The following ARHGAP32 variants were observed in gnomAD, a reference collection of about 807,000 sequenced individuals.
The protein encoded by ARHGAP32 is Rho GTPase activating protein 32.
ARHGAP32 carries 51 observed loss-of-function variants against 186.5 expected under a neutral mutation model. The observed-to-expected ratio is 0.27, with a 90% CI of 0.22 to 0.35. ARHGAP32 has a LOEUF of 0.35. Among genes scored for constraint, ARHGAP32 ranks in the 10% least tolerant of loss-of-function variants. The probability of loss-of-function intolerance (pLI) is 1.00; values close to 1 mark genes in which losing one functional copy is unlikely to be tolerated. For synonymous variants in ARHGAP32, 950 were observed against 964.3 expected, an observed-to-expected ratio of 0.99 and a Z score of 0.27; for missense variants, 2,186 against 2,623.5, an observed-to-expected ratio of 0.83 and a Z score of 3.64.
upstream of ARHGAP32, among the ~76,000 whole-genome samples, chr11:129,279,603 C>T (rs1945586990): frequency 6.8e-6 from 1 of 146,066 alleles, no homozygotes; most frequent in African/African-American, 2.5e-5. Flanking sequence ...CCTCCTCCTG[C>T]ACCCGCGACG....
At chr11:129,261,714 G>A (rs1208865575) in intron 1 of ARHGAP32, among the ~76,000 whole-genome samples, 1 of 152,184 alleles carries the variant, frequency 6.6e-6, no homozygotes, top group South Asian at 2.1e-4. Context: ...GATGAAAACT[G>A]CTTCTTATTG....
rs1187132705 is a variant in ARHGAP32 at position 128,985,868 on chromosome 11, A to G, written c.1526+135T>C. 27 of 209,056 alleles carry G rather than the reference A, an allele frequency of 1.3e-4. 1 individual carries two copies. The highest frequency in any genetic ancestry group is 1.9e-4 in the Non-Finnish European group (21 of 110,488). 13.0% of individuals were successfully genotyped at this position (209,056 alleles called of 1,614,324 possible). On this transcript the variant is annotated intron_variant, in intron 15 of 22. Transcript: ENST00000682385. ...TGTGTGTGTGTGTGTGTATATATAT[A>G]TATATATATATATATATGAAATGGA...
chr11:129,221,517 GTGTGTGTGTGTGTGTGTT>G (rs985593305), intron 1 of ARHGAP32, among the ~76,000 whole-genome samples: 15 of 145,222 alleles, frequency 1.0e-4, no homozygotes, highest in South Asian at 4.5e-4. Flanking sequence ...GTGTGTGTGT[GTGTGTGTGTGTGTGTGTT>G]TATGGTAAAA....
At chr11:129,213,235 C>T (rs1199751561) in intron 1 of ARHGAP32, among the ~76,000 whole-genome samples, 1 of 152,124 alleles carries the variant, frequency 6.6e-6, no homozygotes, top group African/African-American at 2.4e-5. Context: ...CACTAACAGG[C>T]TGCAATGTTC....
intron 1 of ARHGAP32, among the ~76,000 whole-genome samples, chr11:129,176,991 T>A (rs1943930231): frequency 6.7e-6 from 1 of 150,068 alleles, no homozygotes; most frequent in East Asian, 2.0e-4. Context: ...AATTAATGAA[T>A]CCAGGAGCTG....
chr11:129,214,315 T>C, intron 1 of ARHGAP32, among the ~76,000 whole-genome samples: 1 of 152,178 alleles, frequency 6.6e-6, no homozygotes, highest in East Asian at 1.9e-4. Context: ...ACCACACTAA[T>C]GTAAGATGTT....
exon 1 of ARHGAP32, chr11:129,279,277 G>A (rs1354706652): frequency 7.2e-6 from 1 of 139,846 alleles, no homozygotes; most frequent in Non-Finnish European, 1.6e-5. Flanking sequence ...CCGCGCCGCC[G>A]AGCCTAGCGC....
At chr11:129,155,387 T>A (rs1021400043) in intron 2 of ARHGAP32, among the ~76,000 whole-genome samples, 1 of 152,214 alleles carries the variant, frequency 6.6e-6, no homozygotes, top group African/African-American at 2.4e-5. Context: ...TATTTTGTTA[T>A]CAAATTAGAT....
chr11:128,972,333 AG>A, intron 22 of ARHGAP32, 119 bp downstream of exon 22: 1 of 1,201,556 alleles, frequency 8.3e-7, no homozygotes, highest in Non-Finnish European at 1.1e-6. Context: ...CATGGAAACC[AG>A]CCACAGGGCT....
intron 1 of ARHGAP32, among the ~76,000 whole-genome samples, chr11:129,274,711 T>C (rs1437308344): frequency 6.6e-6 from 1 of 152,110 alleles, no homozygotes; most frequent in Admixed American, 6.5e-5. Flanking sequence ...CAAAAAGCAG[T>C]GTAATATAAA....
chr11:129,031,327 A>C (rs1392273889), intron 11 of ARHGAP32, among the ~76,000 whole-genome samples: 1 of 152,216 alleles, frequency 6.6e-6, no homozygotes, highest in Non-Finnish European at 1.5e-5. Flanking sequence ...ATAATCTTTG[A>C]AATAATAATC....
chr11:129,266,733 A>C lies in ARHGAP32; in HGVS notation c.-5+12413T>G, dbSNP rs185420164. On this transcript the variant is annotated intron_variant, in intron 1 of 6. Transcript: ENST00000525234. ...ACCCATCCTGGGCCTCAAGCTTTAG[A>C]GGGCCTTGCACTGGCCTTCCTCTAA... Among the ~76,000 whole-genome samples, 1,233 of 152,274 alleles carry C rather than the reference A, an allele frequency of 8.1e-3. 8 individuals carry two copies. The highest frequency in any genetic ancestry group is 0.031 in the South Asian group (149 of 4,822).
chr11:129,118,080 C>G (rs912665784), intron 5 of ARHGAP32, among the ~76,000 whole-genome samples: 1 of 151,840 alleles, frequency 6.6e-6, no homozygotes, highest in Non-Finnish European at 1.5e-5. Context: ...TGAATCAAAA[C>G]CTGTAGAATT....
chr11:129,017,958 G>A (rs1183256767), intron 11 of ARHGAP32, among the ~76,000 whole-genome samples: 6 of 151,996 alleles, frequency 3.9e-5, no homozygotes, highest in Middle Eastern at 3.2e-3. Context: ...AGTTTGTCTT[G>A]TTTAAGTTTT....
rs762594665 is a variant in ARHGAP32 at position 128,972,731 on chromosome 11, T to G, written c.3775A>C (p.Ile1259Leu). 6.2e-7 allele frequency: 1 copy of G among 1,613,954 alleles called. No individual in the cohort carries two copies. Among genetic ancestry groups the G allele is most frequent in the Non-Finnish European group, 8.5e-7 (1 of 1,179,994 alleles). ...TCGGGGGACCCAGAAGGAGGGTAGA[T>G]TTTATCGCTAGGTAAATTAGGAGGT... ...PTPPNLPSDKIYPPSGSPEEN... is the reference protein window; with the variant it reads ...PTPPNLPSDKLYPPSGSPEEN... Residue 1259 changes from isoleucine (I) to leucine (L), a missense_variant, in exon 22 of 23, where the codon ATC becomes CTC. Ile to Leu is a conservative substitution (Grantham distance 5). This residue lies in a region of ARHGAP32 where 1,502 missense variants were observed against 1,570.0 expected (regional missense o/e 0.96). Coordinates refer to ENST00000682385, the MANE Select transcript of ARHGAP32 (RefSeq NM_001378024.1).
intron 5 of ARHGAP32, among the ~76,000 whole-genome samples, chr11:129,113,343 GTAC>G (rs1942278796): frequency 6.6e-6 from 1 of 152,084 alleles, no homozygotes; most frequent in South Asian, 2.1e-4. Flanking sequence ...AGTACAGTAT[GTAC>G]TACATTAAAC....
chr11:129,208,498 C>G (rs1344393897), intron 1 of ARHGAP32, among the ~76,000 whole-genome samples: 1 of 152,094 alleles, frequency 6.6e-6, no homozygotes, highest in Non-Finnish European at 1.5e-5. Context: ...ACCTTCAGAT[C>G]AAACAACAGT....
chr11:129,219,542 A>G (rs1944687182), intron 1 of ARHGAP32, among the ~76,000 whole-genome samples: 1 of 152,198 alleles, frequency 6.6e-6, no homozygotes, highest in Non-Finnish European at 1.5e-5. Flanking sequence ...ACAAGAGTAG[A>G]GAACTAAAGT....
At chr11:129,192,703 T>A (rs566148606), upstream of ARHGAP32, among the ~76,000 whole-genome samples, 44 of 152,108 alleles carry the variant, frequency 2.9e-4, 1 homozygote, top group Non-Finnish European at 8.8e-5. Flanking sequence ...AGAAGATAAG[T>A]ATGCTCTAGG....
Sources: gnomAD v4.1 joint callset for allele counts (sites outside exome capture counted in the v4.1 genomes callset) on GRCh38, gnomAD v4.1.1 for gene constraint, gnomAD v4.1.1 regional missense constraint, MANE v1.5 for transcripts, NCBI Gene and HGNC (gene_info 2026-07-23, HGNC 2026-07-21) for gene names.